The following SPECC1 variants were observed in gnomAD, a reference collection of about 807,000 sequenced individuals.
SPECC1 encodes the protein sperm antigen with calponin homology and coiled-coil domains 1.
In SPECC1, 62 loss-of-function variants were observed where a neutral mutation model predicts 104.1. That is an observed-to-expected ratio of 0.60 (90% CI 0.49 to 0.74). The LOEUF (loss-of-function observed/expected upper bound fraction) is 0.74. SPECC1 is among the 30% of genes least tolerant of loss of function. SPECC1 has a pLI of 0.00. For synonymous variants in SPECC1, 513 were observed against 501.6 expected (o/e 1.02, Z -0.30); for missense variants, 1,306 against 1,310.5 (o/e 1.00, Z 0.05).
chr17:20,024,273 T>G (rs2044513208), intron 1 of SPECC1, among the ~76,000 whole-genome samples: 1 of 152,258 alleles, frequency 6.6e-6, no homozygotes, highest in Admixed American at 6.5e-5. Context: ...AGTTTACCAC[T>G]TTTTAATTTC....
At chr17:20,062,375 T>G (rs1056304514) in intron 1 of SPECC1, among the ~76,000 whole-genome samples, 2 of 152,196 alleles carry the variant, frequency 1.3e-5, no homozygotes, top group Non-Finnish European at 2.9e-5. Flanking sequence ...ATTTTTATTT[T>G]AAAATTAAAC....
chr17:20,093,474 G>T lies in SPECC1; in HGVS notation c.-21-3157G>T, dbSNP rs144560651. 6.0e-3 allele frequency among the ~76,000 whole-genome samples: 909 copies of T among 152,284 alleles called. 7 individuals carry two copies. Among genetic ancestry groups the T allele is most frequent in the Middle Eastern group, 0.014 (4 of 294 alleles). ...AGAGCATTTAGCAGTGCTTTGCCAG[G>T]CTCAGAATGAAATAGGATAGCTGCT... is the stretch of plus-strand genomic sequence containing the variant. On this transcript the variant is annotated intron_variant, in intron 1 of 14. Coordinates refer to ENST00000395527, the MANE Select transcript of SPECC1 (RefSeq NM_001243439.2).
At chr17:20,232,455 TG>T in intron 7 of SPECC1, 50 bp downstream of exon 7, 1 of 1,542,452 alleles carries the variant, frequency 6.5e-7, no homozygotes, top group Non-Finnish European at 8.7e-7. Context: ...TCACTATGTA[TG>T]GGGCTCCCTG....
At chr17:20,121,161 A>G (rs759473968) in intron 3 of SPECC1, among the ~76,000 whole-genome samples, 46 of 152,130 alleles carry the variant, frequency 3.0e-4, no homozygotes, top group Non-Finnish European at 1.8e-4. Flanking sequence ...TGCTGTCTCT[A>G]TTCATGCTCA....
At chr17:20,238,446 C>T (rs2039038873) in intron 7 of SPECC1, 1 of 1,042,708 alleles carries the variant, frequency 9.6e-7, no homozygotes. Context: ...ACAGTGTACA[C>T]AGCATGGAGC....
chr17:20,059,026 T>TGG (rs2046080373), intron 1 of SPECC1, among the ~76,000 whole-genome samples: 1 of 151,112 alleles, frequency 6.6e-6, no homozygotes, highest in African/African-American at 2.4e-5. Context: ...GAATTTTTAG[T>TGG]AGACGGGGTT....
intron 3 of SPECC1, chr17:20,112,573 A>C: frequency 1.2e-6 from 1 of 821,568 alleles, no homozygotes; most frequent in Non-Finnish European, 2.2e-6. Context: ...GCAGTCTTGC[A>C]CATGCAAATC....
At chr17:20,305,207 C>T (rs569822082) in intron 13 of SPECC1, among the ~76,000 whole-genome samples, 6 of 152,048 alleles carry the variant, frequency 3.9e-5, no homozygotes, top group Admixed American at 2.6e-4. Flanking sequence ...CAGAGAGCGC[C>T]GAGGACTTAA....
intron 3 of SPECC1, among the ~76,000 whole-genome samples, chr17:20,199,529 T>G (rs2036274904): frequency 6.6e-6 from 1 of 151,362 alleles, no homozygotes; most frequent in Non-Finnish European, 1.5e-5. Context: ...TCCTTCCAAG[T>G]GGCTGGGACC....
At chr17:20,311,790 AC>A (rs549043382) in intron 14 of SPECC1, among the ~76,000 whole-genome samples, 273 of 152,224 alleles carry the variant, frequency 1.8e-3, no homozygotes, top group Middle Eastern at 6.8e-3. Context: ...GGTTTTTTAT[AC>A]ATATCCTTTG....
At chr17:20,126,116 C>A (rs913744368) in intron 3 of SPECC1, among the ~76,000 whole-genome samples, 2 of 152,168 alleles carry the variant, frequency 1.3e-5, no homozygotes, top group African/African-American at 4.8e-5. Flanking sequence ...CATCCAGGTC[C>A]TGGCTGTCTC....
rs200927237 is a variant in SPECC1 at position 20,142,841 on chromosome 17, C to A, written c.283+32279C>A. ...CCTATCTTTACCAAAAAAAAAAAAA[C>A]CAACAAAAATTAGCCAGGCATGGTG... On this transcript the variant is annotated intron_variant, in intron 3 of 14. Coordinates refer to ENST00000395527, the MANE Select transcript of SPECC1 (RefSeq NM_001243439.2). Among the ~76,000 whole-genome samples the A allele has an allele frequency of 1.3e-3, 174 of 135,860 alleles. 1 individual carries two copies. In the East Asian group the frequency reaches 0.023, roughly 18 times the overall value. 89.1% of individuals were successfully genotyped at this position (135,860 alleles called of 152,430 possible). A position where few individuals can be genotyped will look rare whatever the true frequency, so the allele number is the denominator to read the frequency against.
At chr17:20,045,675 G>C (rs769561846) in intron 1 of SPECC1, among the ~76,000 whole-genome samples, 1 of 152,136 alleles carries the variant, frequency 6.6e-6, no homozygotes, top group African/African-American at 2.4e-5. Flanking sequence ...TGTCTAAGTT[G>C]GTACATCCTA....
intron 2 of SPECC1, among the ~76,000 whole-genome samples, chr17:20,103,019 G>A (rs1162415290): frequency 6.6e-6 from 1 of 152,178 alleles, no homozygotes; most frequent in African/African-American, 2.4e-5. Flanking sequence ...AGCACAGAGA[G>A]GACGTGATTT....
chr17:20,077,208 A>G (rs562004288), intron 1 of SPECC1, among the ~76,000 whole-genome samples: 1 of 152,210 alleles, frequency 6.6e-6, no homozygotes, highest in Non-Finnish European at 1.5e-5. Flanking sequence ...CTTTTAAGGC[A>G]TTTATGTTCT....
At chr17:20,062,260 A>C (rs978817627) in intron 1 of SPECC1, among the ~76,000 whole-genome samples, 1 of 152,096 alleles carries the variant, frequency 6.6e-6, no homozygotes, top group Middle Eastern at 3.2e-3. Flanking sequence ...CGTCAAAAAA[A>C]AAAAAAAAAA....
rs79091167 is a variant in SPECC1 at position 20,263,110 on chromosome 17, G to A, written c.2940+2816G>A. Among the ~76,000 whole-genome samples, 16 of 151,764 alleles carry A rather than the reference G, an allele frequency of 1.1e-4. No individual in the cohort carries two copies. The East Asian group carries it at 3.2e-3, about 30-fold the overall frequency. On this transcript the variant is annotated intron_variant, in intron 12 of 14. Coordinates refer to ENST00000395527, the MANE Select transcript of SPECC1 (RefSeq NM_001243439.2). ...ACCCTGTCCACTCTGCCTCTGCCCT[G>A]TTTCAAGGATGGACCATGCCATGAA...
intron 1 of SPECC1, among the ~76,000 whole-genome samples, chr17:20,038,997 G>C (rs1192402087): frequency 1.3e-5 from 2 of 152,046 alleles, no homozygotes; most frequent in Non-Finnish European, 2.9e-5. Flanking sequence ...CAATTCAATG[G>C]CCTTTTTTAT....
intron 1 of SPECC1, among the ~76,000 whole-genome samples, chr17:20,082,599 C>CTG (rs1372805951): frequency 2.6e-5 from 4 of 151,208 alleles, no homozygotes; most frequent in African/African-American, 9.8e-5. Context: ...CTGTCTCAAA[C>CTG]TATATGTGTG....
Sources: gnomAD v4.1 joint callset for allele counts (sites outside exome capture counted in the v4.1 genomes callset) on GRCh38, gnomAD v4.1.1 for gene constraint, MANE v1.5 for transcripts, NCBI Gene and HGNC (gene_info 2026-07-23, HGNC 2026-07-21) for gene names.